Variants in MOB3A observed in about 807,000 individuals in gnomAD.
MOB3A encodes the protein MOB kinase activator 3A, also known as MOB LAK.
Under a neutral mutation model 17.8 loss-of-function variants are expected in MOB3A, and 17 were observed. That is an observed-to-expected ratio of 0.95 (90% CI 0.65 to 1.43). The LOEUF (loss-of-function observed/expected upper bound fraction) is 1.43. Ranked by LOEUF, MOB3A falls within the 40% of genes most tolerant of loss-of-function variation. MOB3A has a pLI of 0.00. For missense variants in MOB3A, 333 were observed against 310.8 expected, an observed-to-expected ratio of 1.07 and a Z score of -0.54; for synonymous variants, 124 against 133.2, an observed-to-expected ratio of 0.93 and a Z score of 0.48.
At chr19:2,081,377 C>T (rs1488829697) in intron 2 of MOB3A, among the ~76,000 whole-genome samples, 10 of 150,096 alleles carry the variant, frequency 6.7e-5, no homozygotes, top group African/African-American at 2.5e-4. Flanking sequence ...CACCTGAGGT[C>T]GGGAATTCGA....
At chr19:2,092,650 C>A (rs1042531450) in intron 1 of MOB3A, among the ~76,000 whole-genome samples, 26 of 147,678 alleles carry the variant, frequency 1.8e-4, no homozygotes, top group African/African-American at 5.6e-4. Flanking sequence ...CCCAGCTACT[C>A]AGGAGGCTGA....
At chr19:2,075,668 C>T (rs2017395889) in intron 4 of MOB3A, among the ~76,000 whole-genome samples, 1 of 152,158 alleles carries the variant, frequency 6.6e-6, no homozygotes, top group Non-Finnish European at 1.5e-5. Context: ...ATCACCGAGA[C>T]ACAATTGTGG....
Position 2,071,680 on chromosome 19 carries a change from G to A in MOB3A, c.*1715C>T, listed in dbSNP as rs944426476. ...AAGGTCTAGGGTACACAGAACTCAT[G>A]GATTTTGGTCTCGCAGCCCCAGGGG... On this transcript the variant is annotated 3_prime_UTR_variant, in exon 5 of 5. Transcript: ENST00000357066. 6.6e-6 allele frequency: 1 copy of A among 152,240 alleles called. No individual in the cohort carries two copies. The allele number at this position is 152,240 out of a possible 1,614,324, so 9.4% of individuals were successfully genotyped here.
At chr19:2,087,460 C>G (rs1388009879) in intron 1 of MOB3A, among the ~76,000 whole-genome samples, 1 of 152,192 alleles carries the variant, frequency 6.6e-6, no homozygotes, top group Non-Finnish European at 1.5e-5. Flanking sequence ...CAAGACCAGC[C>G]TGGGCAACAT....
intron 2 of MOB3A, among the ~76,000 whole-genome samples, chr19:2,081,642 T>C (rs1405336820): frequency 1.3e-5 from 2 of 151,744 alleles, no homozygotes; most frequent in Non-Finnish European, 2.9e-5. Context: ...TCCCAGCACT[T>C]TGAGAGGCTG....
intron 1 of MOB3A, among the ~76,000 whole-genome samples, chr19:2,092,711 T>A (rs912646617): frequency 7.0e-6 from 1 of 143,108 alleles, no homozygotes; most frequent in African/African-American, 2.7e-5. Context: ...TGGGCCCTGG[T>A]TGCGCCACTG....
In MOB3A at chr19:2,078,424, C is replaced by T. The variant is rs780070843; in HGVS notation, c.137G>A (p.Arg46Gln). 8 of 1,613,922 alleles carry T rather than the reference C, an allele frequency of 5.0e-6. No homozygotes were observed. Among genetic ancestry groups the T allele is most frequent in the South Asian group, 3.3e-5 (3 of 91,064 alleles). The stretch of plus-strand genomic sequence containing the variant: ...GCCCGGGGGCAACTGCACGGCCAGC[C>T]GCAGGTCCAGCCCGGCGTTCAGCGA... ...QASLNAGLDL[R>Q]LAVQLPPGED... The change falls in exon 3 of 5, where the codon CGG becomes CAG. Residue 46 changes from arginine to glutamine, a missense_variant. Transcript: ENST00000357066.
At chr19:2,076,304 T>G (rs879121757) in intron 4 of MOB3A, among the ~76,000 whole-genome samples, 1 of 151,664 alleles carries the variant, frequency 6.6e-6, no homozygotes, top group Admixed American at 6.6e-5. Flanking sequence ...TGGTGGCGCG[T>G]GCCTGTAATC....
At chr19:2,076,563 C>A (rs1430682072) in intron 4 of MOB3A, among the ~76,000 whole-genome samples, 1 of 152,222 alleles carries the variant, frequency 6.6e-6, no homozygotes, top group African/African-American at 2.4e-5. Context: ...GCGGAGTGAG[C>A]TGGACGCGGG....
At chr19:2,077,625 A>C (rs2017428995) in intron 3 of MOB3A, among the ~76,000 whole-genome samples, 1 of 151,930 alleles carries the variant, frequency 6.6e-6, no homozygotes, top group African/African-American at 2.4e-5. Context: ...TGGGCCCAGC[A>C]CTGGCAGGGG....
At chr19:2,096,328 G>A (rs537324777), upstream of MOB3A, 675 of 157,828 alleles carry the variant, frequency 4.3e-3, 2 homozygotes, top group Middle Eastern at 9.5e-3. Flanking sequence ...GAGGGACACG[G>A]CCGCGGGAAC....
intron 1 of MOB3A, among the ~76,000 whole-genome samples, chr19:2,094,206 C>A (rs2017644365): frequency 6.6e-6 from 1 of 151,950 alleles, no homozygotes; most frequent in Non-Finnish European, 1.5e-5. Context: ...GCCGCCACGC[C>A]CGGCTAATTT....
At chr19:2,095,304 C>G (rs1335354160) in intron 1 of MOB3A, 1 of 152,318 alleles carries the variant, frequency 6.6e-6, no homozygotes, top group East Asian at 1.9e-4. Flanking sequence ...TTCCAATTTC[C>G]CCTCCCCTCT....
intron 4 of MOB3A, among the ~76,000 whole-genome samples, chr19:2,075,383 T>C (rs1405438412): frequency 3.9e-5 from 6 of 152,204 alleles, no homozygotes; most frequent in Non-Finnish European, 5.9e-5. Flanking sequence ...ACCTGTCATC[T>C]GAATACTTTG....
chr19:2,085,963 C>CA (rs1036097194), intron 1 of MOB3A, among the ~76,000 whole-genome samples: 5,613 of 32,020 alleles, frequency 0.18, 796 homozygotes, highest in African/African-American at 0.29. Context: ...GACTCTGTCT[C>CA]AAAAAAAAAA....
In MOB3A at chr19:2,078,440, C is replaced by G. The variant is rs888789619; in HGVS notation, c.121G>C (p.Ala41Pro). 7.4e-6 allele frequency: 12 copies of G among 1,613,698 alleles called. No individual in the cohort carries two copies. Among genetic ancestry groups the G allele is most frequent in the Non-Finnish European group, 9.3e-6 (11 of 1,179,738 alleles). Reference protein sequence around the residue: ...LHKKAQASLNAGLDLRLAVQL... With the variant: ...LHKKAQASLNPGLDLRLAVQL... ...ACGGCCAGCCGCAGGTCCAGCCCGG[C>G]GTTCAGCGACGCCTGCGCCTTCTTG... Residue 41 changes from alanine (A) to proline (P), a missense_variant, in exon 3 of 5, where the codon GCC becomes CCC. Ala to Pro is a conservative substitution (Grantham distance 27). Transcript: ENST00000357066.
chr19:2,073,519 G>A lies in MOB3A; in HGVS notation c.625-95C>T, dbSNP rs1021734885. 531 of 1,518,468 alleles carry A rather than the reference G, an allele frequency of 3.5e-4. 4 individuals are homozygous for A. The highest frequency in any genetic ancestry group is 1.7e-4 in the Middle Eastern group (1 of 5,912). 94.1% of individuals were successfully genotyped at this position (1,518,468 alleles called of 1,614,324 possible). ...CACGGAGACGCACAGGCAGAGAAAC[G>A]GCAGCTGGGGGCTTCCCTGAACACC... is the stretch of plus-strand genomic sequence containing the variant. On this transcript the variant is annotated intron_variant, in intron 4 of 4. Coordinates refer to ENST00000357066, the MANE Select transcript of MOB3A (RefSeq NM_130807.3).
Position 2,075,080 on chromosome 19 carries a change from C to G in MOB3A, c.625-1656G>C, listed in dbSNP as rs138149014. Among the ~76,000 whole-genome samples the G allele has an allele frequency of 7.2e-3, 1,085 of 151,062 alleles. 17 individuals are homozygous for G. Among genetic ancestry groups the G allele is most frequent in the African/African-American group, 0.025 (1,018 of 41,080 alleles). ...GTTACTGGCTGTCACCCAGGCTGGACTACAGTGGCGTGATCTCGGCTTACT... is the reference window on the plus strand; with the variant it reads ...GTTACTGGCTGTCACCCAGGCTGGAGTACAGTGGCGTGATCTCGGCTTACT... On this transcript the variant is annotated intron_variant, in intron 4 of 4. Transcript: ENST00000357066.
chr19:2,076,967 C>T lies in MOB3A; in HGVS notation c.468G>A (p.Leu156=). ...KNFLQTVRKI[L]SRLFRVFVHV... ...GCACGAACACGCGGAACAGCCGCGA[C>T]AGGATCTTCCGCACCGTCTGCAGGA... The change falls in exon 4 of 5, where the codon CTG becomes CTA. Residue 156 remains leucine (L), a synonymous_variant. Coordinates refer to ENST00000357066, the MANE Select transcript of MOB3A (RefSeq NM_130807.3). The T allele has an allele frequency of 1.2e-6, 2 of 1,613,908 alleles. No homozygotes were observed. Among genetic ancestry groups the T allele is most frequent in the Non-Finnish European group, 1.7e-6 (2 of 1,180,022 alleles).
Sources: gnomAD v4.1 joint callset for allele counts (sites outside exome capture counted in the v4.1 genomes callset) on GRCh38, gnomAD v4.1.1 for gene constraint, MANE v1.5 for transcripts, NCBI Gene and HGNC (gene_info 2026-07-23, HGNC 2026-07-21) for gene names.